METTL8: variants seen among roughly 807,000 people sequenced by gnomAD.
METTL8 encodes the protein tRNA N(3)-cytidine methyltransferase METTL8, mitochondrial.
Under a neutral mutation model 48.7 loss-of-function variants are expected in METTL8, and 32 were observed. The observed-to-expected ratio is 0.66, with a 90% CI of 0.50 to 0.88. METTL8 has a LOEUF of 0.88. Among genes scored for constraint, METTL8 ranks in the 40% least tolerant of loss-of-function variants. METTL8 has a pLI of 0.00. For synonymous variants in METTL8, 136 were observed against 157.1 expected, an observed-to-expected ratio of 0.87 and a Z score of 1.01; for missense variants, 464 against 474.4, an observed-to-expected ratio of 0.98 and a Z score of 0.20.
chr2:171,376,768 C>T lies in METTL8; in HGVS notation c.143+15275G>A, dbSNP rs576778713. 1.2e-4 allele frequency among the ~76,000 whole-genome samples: 18 copies of T among 152,196 alleles called. No individual in the cohort carries two copies. The South Asian group carries it at 2.7e-3, about 23-fold the overall frequency. ...GTACAATCAATATTGTAAAAATTACCGTACTGCCAAAAGCAATCTATAGAT... is the reference window on the plus strand; with the variant it reads ...GTACAATCAATATTGTAAAAATTACTGTACTGCCAAAAGCAATCTATAGAT... On this transcript the variant is annotated intron_variant, in intron 2 of 9. Transcript: ENST00000375258.
chr2:171,342,832 C>T (rs547917360), intron 3 of METTL8, among the ~76,000 whole-genome samples: 72 of 152,118 alleles, frequency 4.7e-4, no homozygotes, highest in African/African-American at 1.7e-3. Flanking sequence ...GAATATTCCT[C>T]TAGGAATTAA....
rs1320962314 is a variant in METTL8 at position 171,418,513 on chromosome 2, G to C, written c.-13+15370C>G. On this transcript the variant is annotated intron_variant, in intron 1 of 9. Coordinates refer to ENST00000375258, the MANE Select transcript of METTL8 (RefSeq NM_001321154.2). ...TGGAATTCTTTTGCATGGACGATTT[G>C]TCTCTTCTCTCCCATTCATTTATTT... Among the ~76,000 whole-genome samples the C allele has an allele frequency of 1.5e-3, 221 of 152,226 alleles. 3 individuals carry two copies. The East Asian group carries it at 0.016, about 11-fold the overall frequency.
chr2:171,416,645 G>C (rs578191161), intron 1 of METTL8, among the ~76,000 whole-genome samples: 1 of 152,220 alleles, frequency 6.6e-6, no homozygotes, highest in Non-Finnish European at 1.5e-5. Context: ...TATTTGTACA[G>C]ATTTTATAAC....
intron 1 of METTL8, among the ~76,000 whole-genome samples, chr2:171,404,052 C>T (rs1383578234): frequency 2.3e-5 from 1 of 43,974 alleles, no homozygotes; most frequent in Non-Finnish European, 4.1e-5. Context: ...TATGCTTTCT[C>T]ATATATATAT....
intron 2 of METTL8, among the ~76,000 whole-genome samples, chr2:171,379,172 GA>G (rs1364331745): frequency 1.3e-5 from 2 of 152,134 alleles, no homozygotes; most frequent in Non-Finnish European, 1.5e-5. Context: ...GGTAAATAAT[GA>G]AATTAAGGCA....
At chr2:171,392,851 C>G in intron 1 of METTL8, among the ~76,000 whole-genome samples, 1 of 151,490 alleles carries the variant, frequency 6.6e-6, no homozygotes, top group East Asian at 1.9e-4. Flanking sequence ...AATCCCAGCA[C>G]TTTGGCAGGC....
At chr2:171,334,038 C>T (rs1422275164) in intron 5 of METTL8, among the ~76,000 whole-genome samples, 4 of 151,726 alleles carry the variant, frequency 2.6e-5, no homozygotes, top group Non-Finnish European at 4.4e-5. Flanking sequence ...ATTGTTTTTG[C>T]CTTCCAGGAG....
At chr2:171,332,154 A>G in intron 5 of METTL8, 1 of 273,588 alleles carries the variant, frequency 3.7e-6, no homozygotes, top group Non-Finnish European at 7.2e-6. Flanking sequence ...TCAAACTGTC[A>G]GGATTATAGG....
At chr2:171,377,017 A>C (rs1309011469) in intron 2 of METTL8, among the ~76,000 whole-genome samples, 1 of 152,244 alleles carries the variant, frequency 6.6e-6, no homozygotes, top group Non-Finnish European at 1.5e-5. Context: ...AATGGAACAG[A>C]ATATAGAACT....
intron 2 of METTL8, among the ~76,000 whole-genome samples, chr2:171,387,264 TG>T (rs1387310882): frequency 6.6e-6 from 1 of 152,132 alleles, no homozygotes; most frequent in South Asian, 2.1e-4. Flanking sequence ...TACACTGTCA[TG>T]GGGTAGGAGC....
At chr2:171,364,386 G>T (rs1303058878) in intron 2 of METTL8, among the ~76,000 whole-genome samples, 1 of 151,966 alleles carries the variant, frequency 6.6e-6, no homozygotes, top group Non-Finnish European at 1.5e-5. Flanking sequence ...TAAGAAGGAA[G>T]TTATGTTTTC....
At chr2:171,385,111 T>G (rs1379501321) in intron 2 of METTL8, among the ~76,000 whole-genome samples, 1 of 151,912 alleles carries the variant, frequency 6.6e-6, no homozygotes, top group African/African-American at 2.4e-5. Context: ...TCTAGAAACA[T>G]CTTTAAAAAA....
At chr2:171,363,900 C>T (rs1277491071) in intron 2 of METTL8, among the ~76,000 whole-genome samples, 1 of 148,210 alleles carries the variant, frequency 6.7e-6, no homozygotes, top group East Asian at 2.0e-4. Flanking sequence ...GCAACCTCCA[C>T]CTCCCGTGTT....
At chr2:171,344,114 T>C (rs142895486) in intron 3 of METTL8, among the ~76,000 whole-genome samples, 1 of 152,164 alleles carries the variant, frequency 6.6e-6, no homozygotes, top group Admixed American at 6.5e-5. Flanking sequence ...CCAATAATAG[T>C]AGCATTAAAA....
At chr2:171,349,463 G>A (rs1207055365) in intron 3 of METTL8, among the ~76,000 whole-genome samples, 1 of 152,058 alleles carries the variant, frequency 6.6e-6, no homozygotes. Flanking sequence ...CGTCCTCAAG[G>A]TCCATCCATG....
chr2:171,396,851 C>CTT (rs538433167), intron 1 of METTL8, among the ~76,000 whole-genome samples: 3 of 141,324 alleles, frequency 2.1e-5, no homozygotes, highest in East Asian at 2.0e-4. Flanking sequence ...CAGCTTCTAT[C>CTT]TTTTTTTTTT....
intron 3 of METTL8, among the ~76,000 whole-genome samples, chr2:171,353,001 C>T (rs1684114021): frequency 6.6e-6 from 1 of 152,050 alleles, no homozygotes; most frequent in Admixed American, 6.5e-5. Context: ...TATTTCTTGC[C>T]TTCTGCTAGC....
At chr2:171,434,068 C>A (rs972906201), upstream of METTL8, 15 of 303,188 alleles carry the variant, frequency 4.9e-5, no homozygotes, top group African/African-American at 3.5e-4. Flanking sequence ...AGCACCGCGC[C>A]CCCAGGGCTC....
At chr2:171,349,703 T>G (rs1683673154) in intron 3 of METTL8, among the ~76,000 whole-genome samples, 1 of 152,182 alleles carries the variant, frequency 6.6e-6, no homozygotes, top group South Asian at 2.1e-4. Flanking sequence ...CTGGGTCATA[T>G]GGCAGTTCTA....
Sources: gnomAD v4.1 joint callset for allele counts (sites outside exome capture counted in the v4.1 genomes callset) on GRCh38, gnomAD v4.1.1 for gene constraint, MANE v1.5 for transcripts, NCBI Gene and HGNC (gene_info 2026-07-23, HGNC 2026-07-21) for gene names.